Variants in NELL1 observed in about 807,000 individuals in gnomAD.
NELL1 encodes neural EGFL like 1, also known as protein kinase C-binding protein NELL1.
Under a neutral mutation model 107.4 loss-of-function variants are expected in NELL1, and 76 were observed. The observed-to-expected ratio is 0.71, with a 90% CI of 0.59 to 0.86. The LOEUF (loss-of-function observed/expected upper bound fraction) is 0.86, where lower values mean the gene tolerates loss of function less well. NELL1 is among the 40% of genes least tolerant of loss of function. The probability of loss-of-function intolerance (pLI) is 0.00; values close to 1 mark genes in which losing one functional copy is unlikely to be tolerated. For missense variants in NELL1, 1,024 were observed against 1,005.5 expected (o/e 1.02, Z -0.25); for synonymous variants, 353 against 341.2 (o/e 1.03, Z -0.38).
At chr11:21,543,662 C>T (rs777963155) in intron 16 of NELL1, among the ~76,000 whole-genome samples, 65 of 151,966 alleles carry the variant, frequency 4.3e-4, no homozygotes, top group Non-Finnish European at 7.5e-4. Context: ...CTTGCCTGCT[C>T]CTTTTCTAGT....
intron 13 of NELL1, among the ~76,000 whole-genome samples, chr11:21,168,798 T>C (rs1259948972): frequency 6.6e-6 from 1 of 151,900 alleles, no homozygotes; most frequent in African/African-American, 2.4e-5. Context: ...ATTATGCATA[T>C]TTTCAATGCC....
Position 20,948,562 on chromosome 11 carries a change from C to G in NELL1, c.1171+1127C>G, listed in dbSNP as rs1016835456. ...TGTTAAGTATAATTACCTTACTGTA[C>G]TATCCAATAAATTCCTTTTATCTAA... is the stretch of plus-strand genomic sequence containing the variant. On this transcript the variant is annotated intron_variant, in intron 11 of 19. Transcript: ENST00000357134. Among the ~76,000 whole-genome samples, 8 of 151,878 alleles carry G rather than the reference C, an allele frequency of 5.3e-5. No homozygotes were observed. The East Asian group carries it at 1.6e-3, about 29-fold the overall frequency.
intron 14 of NELL1, among the ~76,000 whole-genome samples, chr11:21,318,482 T>A (rs1849929529): frequency 1.3e-5 from 2 of 152,338 alleles, no homozygotes; most frequent in South Asian, 4.1e-4. Context: ...GAAACAAAGT[T>A]ATTATTGCTC....
intron 14 of NELL1, among the ~76,000 whole-genome samples, chr11:21,306,004 G>T (rs937558255): frequency 6.6e-6 from 1 of 151,864 alleles, no homozygotes; most frequent in Non-Finnish European, 1.5e-5. Context: ...CATCAATTCT[G>T]TATGCCAATT....
chr11:20,745,474 T>C (rs1318570000), intron 2 of NELL1, among the ~76,000 whole-genome samples: 1 of 152,314 alleles, frequency 6.6e-6, no homozygotes, highest in East Asian at 1.9e-4. Flanking sequence ...AATTGCGGGC[T>C]TTACCACCAT....
intron 13 of NELL1, among the ~76,000 whole-genome samples, chr11:21,198,949 G>T (rs1317712224): frequency 2.6e-5 from 4 of 152,086 alleles, no homozygotes; most frequent in African/African-American, 9.7e-5. Flanking sequence ...GATTAGAATG[G>T]CCTATTTTTG....
rs544363953 is a variant in NELL1 at position 20,829,922 on chromosome 11, G to C, written c.336-17661G>C. On this transcript the variant is annotated intron_variant, in intron 3 of 19. Transcript: ENST00000357134. The stretch of plus-strand genomic sequence containing the variant: ...TGATTGCTTGGTTAAGGTGGAGCCT[G>C]CCAGGATTCTTCACTGTGAAGTTCT... 2.0e-5 allele frequency among the ~76,000 whole-genome samples: 3 copies of C among 152,176 alleles called. No individual in the cohort carries two copies. In the East Asian group the frequency reaches 5.8e-4, roughly 30 times the overall value.
At chr11:21,423,781 C>T (rs778295261) in intron 15 of NELL1, among the ~76,000 whole-genome samples, 40 of 152,228 alleles carry the variant, frequency 2.6e-4, no homozygotes, top group African/African-American at 8.2e-4. Flanking sequence ...GTATTTTTCC[C>T]GTCTACAACA....
intron 14 of NELL1, among the ~76,000 whole-genome samples, chr11:21,367,843 C>T (rs1851263792): frequency 6.6e-6 from 1 of 152,068 alleles, no homozygotes; most frequent in African/African-American, 2.4e-5. Flanking sequence ...AGCCCATCTC[C>T]TCACAAACTG....
intron 13 of NELL1, among the ~76,000 whole-genome samples, chr11:21,211,040 G>A (rs941392680): frequency 3.9e-5 from 6 of 152,110 alleles, no homozygotes; most frequent in African/African-American, 1.4e-4. Context: ...CTATGGGCTG[G>A]AGATAAAGAA....
chr11:20,779,618 A>T (rs773576215), intron 2 of NELL1, among the ~76,000 whole-genome samples: 1 of 152,230 alleles, frequency 6.6e-6, no homozygotes, highest in Non-Finnish European at 1.5e-5. Flanking sequence ...GCTGCTGCAA[A>T]GTAGGTGACA....
chr11:21,438,689 C>T lies in NELL1; in HGVS notation c.1645+67741C>T, dbSNP rs189567945. 9.9e-4 allele frequency among the ~76,000 whole-genome samples: 150 copies of T among 151,944 alleles called. 1 individual carries two copies. The highest frequency in any genetic ancestry group is 3.0e-3 in the African/African-American group (126 of 41,490). On this transcript the variant is annotated intron_variant, in intron 15 of 19. Transcript: ENST00000357134. ...TTTTTTGTCTGGGTTATTTTAAAAT[C>T]CCTGGCTCAAGTTCAGAATTTCTTT...
chr11:20,743,295 G>A (rs951164), intron 2 of NELL1, among the ~76,000 whole-genome samples: 85,467 of 151,496 alleles, frequency 0.56, 26,019 homozygotes, highest in Middle Eastern at 0.75. Context: ...GGTGGCTGCA[G>A]TGAGCCAAGA....
At chr11:20,878,753 GA>G (rs1334009581) in intron 4 of NELL1, among the ~76,000 whole-genome samples, 11 of 152,174 alleles carry the variant, frequency 7.2e-5, no homozygotes, top group Non-Finnish European at 1.6e-4. Context: ...GCCATAGTAG[GA>G]CTTTTATAGC....
chr11:21,126,892 C>G (rs1364310021), intron 13 of NELL1, among the ~76,000 whole-genome samples: 1 of 152,092 alleles, frequency 6.6e-6, no homozygotes, highest in Non-Finnish European at 1.5e-5. Context: ...GAATACATTC[C>G]TTTAAGTCAA....
intron 2 of NELL1, 89 bp from the exon 3 acceptor site, chr11:20,783,591 C>T (rs1856893333): frequency 1.1e-6 from 1 of 871,858 alleles, no homozygotes; most frequent in Non-Finnish European, 1.7e-6. Context: ...CTCATCTCCC[C>T]TCTCCTCTTT....
intron 3 of NELL1, among the ~76,000 whole-genome samples, chr11:20,794,516 C>T (rs1340096854): frequency 6.6e-6 from 1 of 152,166 alleles, no homozygotes; most frequent in Non-Finnish European, 1.5e-5. Flanking sequence ...GGGTGTGCTA[C>T]ACATGGGAGG....
chr11:21,200,349 G>A (rs1229152211), intron 13 of NELL1, among the ~76,000 whole-genome samples: 2 of 152,186 alleles, frequency 1.3e-5, no homozygotes, highest in Admixed American at 1.3e-4. Flanking sequence ...TAACTGGAAT[G>A]AGATGGTATC....
At position 21,570,876 on chromosome 11, in the gene NELL1, A is replaced by G. The variant is rs761747998; in HGVS notation, c.2093A>G (p.Asn698Ser). 6.2e-7 allele frequency: 1 copy of G among 1,611,982 alleles called. No homozygotes were observed. The highest frequency in any genetic ancestry group is 1.1e-5 in the South Asian group (1 of 90,992). ...GTCACAAGTCAATGTTTAGACCAAA[A>G]TGGTCACAAGCTGTATCGAAGTGGA... ...TRVTSQCLDQ[N>S]GHKLYRSGDN... The change falls in exon 18 of 20, where the codon AAT becomes AGT. Residue 698 changes from asparagine (N) to serine (S), a missense_variant. Coordinates refer to ENST00000357134, the MANE Select transcript of NELL1 (RefSeq NM_006157.5).
Sources: allele counts gnomAD v4.1 joint callset (sites outside exome capture counted in the v4.1 genomes callset), GRCh38; gene constraint gnomAD v4.1.1; transcripts MANE v1.5; gene names NCBI Gene and HGNC (gene_info 2026-07-23, HGNC 2026-07-21).